C4orf36: variants seen among roughly 807,000 people sequenced by gnomAD.
C4orf36 encodes the protein uncharacterized protein C4orf36.
In C4orf36, 11 loss-of-function variants were observed where a neutral mutation model predicts 12.2. The observed-to-expected ratio is 0.90, with a 90% CI of 0.57 to 1.49. C4orf36 has a LOEUF of 1.49. C4orf36 is among the 40% of genes most tolerant of loss of function. C4orf36 has a pLI of 0.00. For missense variants in C4orf36, 137 were observed against 133.9 expected, an observed-to-expected ratio of 1.02 and a Z score of -0.11; for synonymous variants, 54 against 51.3, an observed-to-expected ratio of 1.05 and a Z score of -0.22.
At chr4:86,900,130 GGT>G in the C4orf36 span, among the ~76,000 whole-genome samples, 1 of 151,898 alleles carries the variant, frequency 6.6e-6, no homozygotes, top group Non-Finnish European at 1.5e-5. Flanking sequence ...CCGCCTCCTG[GGT>G]TCAAGCAACT....
chr4:86,893,403 A>G (rs1747502184), upstream of C4orf36, among the ~76,000 whole-genome samples: 1 of 152,152 alleles, frequency 6.6e-6, no homozygotes, highest in Non-Finnish European at 1.5e-5. Flanking sequence ...GCCAACCGAC[A>G]TGGTGAAACC....
chr4:86,882,776 T>C (rs1403994886), intron 4 of C4orf36, among the ~76,000 whole-genome samples: 1 of 152,208 alleles, frequency 6.6e-6, no homozygotes, highest in Non-Finnish European at 1.5e-5. Context: ...ATGTTACATA[T>C]ATGTTTGCCC....
At chr4:86,910,966 C>G in the C4orf36 span, among the ~76,000 whole-genome samples, 76 of 152,074 alleles carry the variant, frequency 5.0e-4, no homozygotes, top group African/African-American at 1.7e-3. Context: ...ACCTGTAGTC[C>G]CAGCTACTCA....
the C4orf36 span, among the ~76,000 whole-genome samples, chr4:86,911,192 G>A: frequency 6.6e-6 from 1 of 152,232 alleles, no homozygotes; most frequent in Admixed American, 6.5e-5. Context: ...GTGGGGAAGT[G>A]GAGGCAGAAG....
chr4:86,902,832 C>T, the C4orf36 span, among the ~76,000 whole-genome samples: 1 of 152,068 alleles, frequency 6.6e-6, no homozygotes, highest in Non-Finnish European at 1.5e-5. Context: ...TGATCATCAT[C>T]TATTGTTAGA....
At chr4:86,890,218 G>A (rs1383272454) in intron 2 of C4orf36, 1 of 308,138 alleles carries the variant, frequency 3.2e-6, no homozygotes, top group African/African-American at 2.4e-5. Flanking sequence ...AGGAAGGAAG[G>A]AAGGAAGGAA....
chr4:86,894,034 C>G (rs1747533084), upstream of C4orf36, among the ~76,000 whole-genome samples: 2 of 148,458 alleles, frequency 1.3e-5, no homozygotes, highest in South Asian at 4.2e-4. Flanking sequence ...GTAGCTGGGA[C>G]TACAGGCGCC....
chr4:86,899,629 G>C, the C4orf36 span, among the ~76,000 whole-genome samples: 2 of 152,260 alleles, frequency 1.3e-5, no homozygotes, highest in Admixed American at 6.5e-5. Flanking sequence ...TTTGAGACCT[G>C]CCTGGGAAAT....
At chr4:86,890,121 G>A in intron 2 of C4orf36, 1 of 449,626 alleles carries the variant, frequency 2.2e-6, no homozygotes. Flanking sequence ...AAGCCCAGGA[G>A]GTGCACAACA....
the C4orf36 span, among the ~76,000 whole-genome samples, chr4:86,921,656 TTAAAATTATAG>T: frequency 6.6e-6 from 1 of 152,238 alleles, no homozygotes; most frequent in Non-Finnish European, 1.5e-5. Flanking sequence ...ATTTTAATTT[TTAAAATTATAG>T]TAAAATATGC....
the C4orf36 span, among the ~76,000 whole-genome samples, chr4:86,920,886 C>T: frequency 1.3e-5 from 2 of 151,830 alleles, no homozygotes; most frequent in African/African-American, 4.8e-5. Context: ...AATCCCAGCA[C>T]TTTGTGGGGC....
chr4:86,891,062 A>C (rs1747389854), intron 2 of C4orf36, among the ~76,000 whole-genome samples: 1 of 152,176 alleles, frequency 6.6e-6, no homozygotes, highest in Non-Finnish European at 1.5e-5. Context: ...GATACATCTG[A>C]CACCAGGGCA....
chr4:86,911,657 C>T, the C4orf36 span, among the ~76,000 whole-genome samples: 1 of 152,100 alleles, frequency 6.6e-6, no homozygotes, highest in South Asian at 2.1e-4. Flanking sequence ...TATTTACTTA[C>T]ATTCTTTGTC....
chr4:86,929,353 A>AT, the C4orf36 span, among the ~76,000 whole-genome samples: 3 of 151,746 alleles, frequency 2.0e-5, no homozygotes, highest in Non-Finnish European at 2.9e-5. Context: ...TTTTTATTTT[A>AT]TTTTTTATTT....
intron 4 of C4orf36, among the ~76,000 whole-genome samples, chr4:86,880,198 T>C (rs975989031): frequency 1.3e-5 from 2 of 151,866 alleles, no homozygotes; most frequent in African/African-American, 4.8e-5. Context: ...CAGGGCAAAG[T>C]GTGGTGGCTC....
the C4orf36 span, among the ~76,000 whole-genome samples, chr4:86,901,952 A>G: frequency 2.6e-5 from 4 of 152,226 alleles, no homozygotes; most frequent in African/African-American, 4.8e-5. Context: ...CCAACTTTGC[A>G]GGTGACCTCA....
the C4orf36 span, among the ~76,000 whole-genome samples, chr4:86,922,270 G>A: frequency 4.6e-5 from 7 of 152,050 alleles, no homozygotes; most frequent in Non-Finnish European, 1.0e-4. Context: ...AACTTTCAGA[G>A]CTATAAAATA....
chr4:86,931,485 AC>A, the C4orf36 span, among the ~76,000 whole-genome samples: 1 of 151,766 alleles, frequency 6.6e-6, no homozygotes, highest in African/African-American at 2.4e-5. Context: ...CGCATCCTCG[AC>A]CTCCAGGGCT....
chr4:86,882,867 G>C (rs962655247), intron 4 of C4orf36, among the ~76,000 whole-genome samples: 2 of 152,066 alleles, frequency 1.3e-5, no homozygotes, highest in African/African-American at 2.4e-5. Flanking sequence ...ACTTTACTGT[G>C]TGATACACGC....
Sources: gnomAD v4.1 joint callset for allele counts (sites outside exome capture counted in the v4.1 genomes callset) on GRCh38, gnomAD v4.1.1 for gene constraint, MANE v1.5 for transcripts, NCBI Gene and HGNC (gene_info 2026-07-23, HGNC 2026-07-21) for gene names.